SYT16: variants seen among roughly 807,000 people sequenced by gnomAD.
SYT16 encodes the protein synaptotagmin 16.
A neutral mutation model predicts 61.4 loss-of-function variants in SYT16; 42 were observed. The ratio of observed to expected loss-of-function variants is 0.68; its 90% CI spans 0.53 to 0.89. The LOEUF is 0.89. Ranked by LOEUF, SYT16 falls within the 40% of genes least tolerant of loss-of-function variation. SYT16 has a pLI of 0.00. For missense variants in SYT16, 804 were observed against 807.3 expected (o/e 1.00, Z 0.05); for synonymous variants, 314 against 302.3 (o/e 1.04, Z -0.40).
At chr14:62,030,418 G>A (rs35629262) in intron 3 of SYT16, among the ~76,000 whole-genome samples, 2,897 of 152,300 alleles carry the variant, frequency 0.019, 43 homozygotes, top group Non-Finnish European at 0.031. Context: ...TGTGGAAATC[G>A]TTCTGAAATG....
intron 3 of SYT16, among the ~76,000 whole-genome samples, chr14:62,000,129 A>T (rs200492181): frequency 2.9e-4 from 5 of 17,088 alleles, no homozygotes; most frequent in East Asian, 2.4e-3. Context: ...TTTTTTTTTT[A>T]GCGTACTGAT....
At chr14:62,015,777 G>A (rs1370916553) in intron 3 of SYT16, among the ~76,000 whole-genome samples, 1 of 152,138 alleles carries the variant, frequency 6.6e-6, no homozygotes, top group Non-Finnish European at 1.5e-5. Context: ...CTGACACCTT[G>A]ATCTTGAATT....
In SYT16 at chr14:62,052,420, T is replaced by A. The variant is rs559542507; in HGVS notation, c.524-17183T>A. 2.0e-5 allele frequency among the ~76,000 whole-genome samples: 3 copies of A among 152,358 alleles called. No homozygotes were observed. The East Asian group carries it at 5.8e-4, about 29-fold the overall frequency. On this transcript the variant is annotated intron_variant, in intron 3 of 7. Transcript: ENST00000683842. ...ATTTTTAACGGTGTTGAAATTAGAA[T>A]GTGGTCTAATTGTAGCTCTGAAGCT... is the stretch of plus-strand genomic sequence containing the variant.
intron 3 of SYT16, among the ~76,000 whole-genome samples, chr14:62,036,607 G>C (rs2054517293): frequency 6.6e-6 from 1 of 152,142 alleles, no homozygotes; most frequent in Non-Finnish European, 1.5e-5. Context: ...GGCTAGGGAG[G>C]CCTCATGATC....
At chr14:61,822,719 T>G (rs752579952) in intron 1 of SYT16, among the ~76,000 whole-genome samples, 2 of 152,202 alleles carry the variant, frequency 1.3e-5, no homozygotes. Flanking sequence ...GCTTTGTGAA[T>G]TTTATGCAAA....
At chr14:61,930,415 T>TGTC (rs2049717621) in intron 1 of SYT16, among the ~76,000 whole-genome samples, 2 of 152,104 alleles carry the variant, frequency 1.3e-5, no homozygotes, top group East Asian at 1.9e-4. Flanking sequence ...ACCTGGCAGC[T>TGTC]AGGCTGCAAG....
chr14:61,941,133 A>C (rs1017526489), intron 1 of SYT16, among the ~76,000 whole-genome samples: 1 of 152,176 alleles, frequency 6.6e-6, no homozygotes, highest in Non-Finnish European at 1.5e-5. Flanking sequence ...CATGCCTATC[A>C]GTGTTGAAGG....
intron 3 of SYT16, among the ~76,000 whole-genome samples, chr14:62,016,853 T>C (rs1027709039): frequency 5.3e-5 from 8 of 152,202 alleles, no homozygotes; most frequent in African/African-American, 1.9e-4. Flanking sequence ...ATATTTGAGC[T>C]CTCCTGCTAA....
chr14:62,100,923 G>A lies in SYT16; in HGVS notation c.*216G>A. On this transcript the variant is annotated 3_prime_UTR_variant, in exon 8 of 8. Transcript: ENST00000683842. ...CACATACACAGTGAAGTGTCCGTAT[G>A]GAAAATATTATACCACAATTAAGAC... The A allele has an allele frequency of 1.9e-6, 1 of 521,514 alleles. No homozygotes were observed. Among genetic ancestry groups the A allele is most frequent in the Non-Finnish European group, 3.4e-6 (1 of 295,692 alleles). The allele number at this position is 521,514 out of a possible 1,614,324, so 32.3% of individuals were successfully genotyped here.
chr14:61,964,898 C>G (rs901658018), intron 1 of SYT16, among the ~76,000 whole-genome samples: 22 of 143,296 alleles, frequency 1.5e-4, no homozygotes, highest in Admixed American at 1.4e-4. Context: ...TGATTTTTAG[C>G]TTTTTTTTTT....
At chr14:62,008,421 A>G (rs1319611789) in intron 3 of SYT16, among the ~76,000 whole-genome samples, 8 of 152,138 alleles carry the variant, frequency 5.3e-5, no homozygotes, top group Non-Finnish European at 1.2e-4. Context: ...AGAAAAATAT[A>G]GAGTAATATA....
chr14:61,835,912 C>T (rs898895283), intron 1 of SYT16, among the ~76,000 whole-genome samples: 3 of 152,060 alleles, frequency 2.0e-5, no homozygotes, highest in Non-Finnish European at 4.4e-5. Context: ...TTTACATGTC[C>T]CAGGTGAGTA....
Position 62,021,453 on chromosome 14 carries a change from T to C in SYT16, c.523+24911T>C, listed in dbSNP as rs566862923. On this transcript the variant is annotated intron_variant, in intron 3 of 7. Transcript: ENST00000683842. ...ACTCTACAGTGTTAGAGGTTGAGGT[T>C]ATTTTATTTTATTATTATTATTTTT... is the stretch of plus-strand genomic sequence containing the variant. Among the ~76,000 whole-genome samples the C allele has an allele frequency of 3.4e-5, 5 of 148,374 alleles. No individual in the cohort carries two copies. The South Asian group carries it at 1.1e-3, about 32-fold the overall frequency.
chr14:62,049,091 T>C (rs1235198063), intron 3 of SYT16, among the ~76,000 whole-genome samples: 2 of 152,186 alleles, frequency 1.3e-5, no homozygotes, highest in South Asian at 2.1e-4. Context: ...AAGTCTCCCA[T>C]TATTTTTGTG....
At chr14:61,905,678 T>C (rs2048676335) in intron 1 of SYT16, among the ~76,000 whole-genome samples, 1 of 152,120 alleles carries the variant, frequency 6.6e-6, no homozygotes, top group African/African-American at 2.4e-5. Flanking sequence ...CAGCAGGGTC[T>C]CTATCAGTCT....
At chr14:62,040,420 T>C (rs1298787816) in intron 3 of SYT16, among the ~76,000 whole-genome samples, 2 of 152,220 alleles carry the variant, frequency 1.3e-5, no homozygotes, top group Non-Finnish European at 1.5e-5. Context: ...CCCAAATCTT[T>C]ATGTATTTAT....
In SYT16 at chr14:62,107,781, TGG is replaced by T. The variant is rs1186002221; in HGVS notation, c.*7078_*7079del. 1 of 152,188 alleles carries T rather than the reference TGG, an allele frequency of 6.6e-6. No individual in the cohort carries two copies. The highest frequency in any genetic ancestry group is 1.5e-5 in the Non-Finnish European group (1 of 68,018). The allele number at this position is 152,188 out of a possible 1,614,324, so 9.4% of individuals were successfully genotyped here. A position where few individuals can be genotyped will look rare whatever the true frequency, so the allele number is the denominator to read the frequency against. On this transcript the variant is annotated 3_prime_UTR_variant, in exon 8 of 8. Coordinates refer to ENST00000683842, the MANE Select transcript of SYT16 (RefSeq NM_001367656.1). ...AAAATAAATGGATATGTTTTGTATC[TGG>T]GGGAGGAAATGCATCATTCCATTCC...
intron 1 of SYT16, among the ~76,000 whole-genome samples, chr14:61,841,487 A>G (rs558055211): frequency 6.6e-6 from 1 of 152,306 alleles, no homozygotes; most frequent in Middle Eastern, 3.4e-3. Flanking sequence ...TTAAAAAATA[A>G]TAGCTAAGTC....
At chr14:61,859,396 A>G (rs1300937589) in intron 1 of SYT16, among the ~76,000 whole-genome samples, 3 of 152,046 alleles carry the variant, frequency 2.0e-5, no homozygotes, top group Non-Finnish European at 4.4e-5. Flanking sequence ...TGGGCGTGCT[A>G]TGTAAACTTC....
Sources: gnomAD v4.1 joint callset for allele counts (sites outside exome capture counted in the v4.1 genomes callset) on GRCh38, gnomAD v4.1.1 for gene constraint, MANE v1.5 for transcripts, NCBI Gene and HGNC (gene_info 2026-07-23, HGNC 2026-07-21) for gene names.